The following COPS8 variants were observed in gnomAD, a reference collection of about 807,000 sequenced individuals.
COPS8 encodes the protein COP9 signalosome subunit 8.
Under a neutral mutation model 31.5 loss-of-function variants are expected in COPS8, and 11 were observed. The observed-to-expected ratio is 0.35, with a 90% confidence interval of 0.22 to 0.58. The LOEUF is 0.58. COPS8 is among the 20% of genes least tolerant of loss of function. COPS8 has a pLI of 0.83. For synonymous variants in COPS8, 81 were observed against 89.3 expected, an observed-to-expected ratio of 0.91 and a Z score of 0.52; for missense variants, 215 against 255.1, an observed-to-expected ratio of 0.84 and a Z score of 1.07.
intron 2 of COPS8, chr2:237,087,463 G>T: frequency 2.1e-6 from 1 of 469,224 alleles, no homozygotes; most frequent in Non-Finnish European, 4.0e-6. Flanking sequence ...GTCTTTTTAA[G>T]AAACTTTTAT....
intron 2 of COPS8, chr2:237,087,643 C>T (rs1419982045): frequency 4.5e-6 from 1 of 221,568 alleles, no homozygotes; most frequent in African/African-American, 2.4e-5. Flanking sequence ...AGCATAACTA[C>T]TCTAGGCCGG....
At chr2:237,091,146 C>T (rs1449248418) in intron 4 of COPS8, among the ~76,000 whole-genome samples, 2 of 152,110 alleles carry the variant, frequency 1.3e-5, no homozygotes, top group Non-Finnish European at 1.5e-5. Flanking sequence ...TGTGCACCGT[C>T]GGGTCCGTAG....
intron 4 of COPS8, 35 bp from the exon 5 acceptor site, chr2:237,094,055 G>C (rs1404439175): frequency 6.2e-7 from 1 of 1,605,078 alleles, no homozygotes; most frequent in Non-Finnish European, 8.5e-7. Flanking sequence ...CTGCTCCCTG[G>C]TTCACTCTCT....
chr2:237,090,415 A>G (rs1251957206), intron 4 of COPS8, among the ~76,000 whole-genome samples: 1 of 152,218 alleles, frequency 6.6e-6, no homozygotes, highest in African/African-American at 2.4e-5. Context: ...ATAGATGCTC[A>G]AATGTGTTTT....
intron 4 of COPS8, among the ~76,000 whole-genome samples, chr2:237,091,597 A>G (rs907556116): frequency 1.3e-5 from 2 of 152,262 alleles, no homozygotes; most frequent in African/African-American, 4.8e-5. Flanking sequence ...CTTATTTTCT[A>G]GTTGAGAACA....
chr2:237,096,730 A>T, intron 6 of COPS8, 92 bp from the exon 7 acceptor site: 1 of 954,720 alleles, frequency 1.0e-6, no homozygotes, highest in Non-Finnish European at 1.7e-6. Context: ...AATGGCCGTT[A>T]AATGCATGTT....
At position 237,095,033 on chromosome 2, in the gene COPS8, C is replaced by T. The variant is rs555776693; in HGVS notation, c.440-789C>T. 5.3e-5 allele frequency among the ~76,000 whole-genome samples: 8 copies of T among 152,224 alleles called. No individual in the cohort carries two copies. The South Asian group carries it at 1.2e-3, about 24-fold the overall frequency. On this transcript the variant is annotated intron_variant, in intron 5 of 7. Coordinates refer to ENST00000354371, the MANE Select transcript of COPS8 (RefSeq NM_006710.5). ...TGCCATGATTGACATTTTTGATTCT[C>T]CAGCTAAAATATGAGCACCATCACG...
chr2:237,093,474 A>G (rs892785949), intron 4 of COPS8, among the ~76,000 whole-genome samples: 12 of 152,310 alleles, frequency 7.9e-5, no homozygotes, highest in African/African-American at 2.4e-4. Context: ...TTAATTGGGT[A>G]TGGAAGCCTG....
At chr2:237,086,085 T>A in intron 1 of COPS8, 43 bp downstream of exon 1, 2 of 1,560,140 alleles carry the variant, frequency 1.3e-6, no homozygotes, top group Non-Finnish European at 1.8e-6. Flanking sequence ...GGAGTAGTCT[T>A]AGGCCCTGGG....
intron 5 of COPS8, 74 bp from the exon 6 acceptor site, chr2:237,095,748 T>G (rs1197983089): frequency 1.0e-6 from 1 of 963,096 alleles, no homozygotes; most frequent in Non-Finnish European, 1.7e-6. Context: ...GTACAACTAA[T>G]GTCATGGACA....
Position 237,097,691 on chromosome 2 carries a change from T to A in COPS8, c.579T>A (p.Asn193Lys). 1 of 1,613,342 alleles carries A rather than the reference T, an allele frequency of 6.2e-7. No individual in the cohort carries two copies. The change falls in exon 8 of 8, where the codon AAT (asparagine) becomes AAA (lysine). Residue 193 changes from asparagine (N) to lysine (K), a missense_variant. By Grantham distance (94) the Asn-to-Lys change is moderately conservative. Coordinates refer to ENST00000354371, the MANE Select transcript of COPS8 (RefSeq NM_006710.5). ...CTGCTCCAGTTCCCCCAATACCCAATGAACAGCAGTTAGCCAGACTGACGG... is the reference window on the plus strand; with the variant it reads ...CTGCTCCAGTTCCCCCAATACCCAAAGAACAGCAGTTAGCCAGACTGACGG... ...SEPAPVPPIPNEQQLARLTDY... is the reference protein window; with the variant it reads ...SEPAPVPPIPKEQQLARLTDY...
At chr2:237,097,629 T>C in intron 7 of COPS8, 34 bp from the exon 8 acceptor site, 3 of 1,519,398 alleles carry the variant, frequency 2.0e-6, no homozygotes, top group Non-Finnish European at 2.7e-6. Flanking sequence ...CTGTGGTATG[T>C]AACATGAAGT....
intron 5 of COPS8, among the ~76,000 whole-genome samples, chr2:237,095,573 CA>C (rs1349357839): frequency 6.6e-6 from 1 of 152,126 alleles, no homozygotes; most frequent in African/African-American, 2.4e-5. Flanking sequence ...ATATTCTTGA[CA>C]GAAAACTAAC....
At chr2:237,094,771 C>T (rs1193446636) in intron 5 of COPS8, among the ~76,000 whole-genome samples, 4 of 151,994 alleles carry the variant, frequency 2.6e-5, no homozygotes, top group African/African-American at 7.3e-5. Flanking sequence ...TCGAGACCAG[C>T]CTGGCCAACA....
intron 2 of COPS8, 21 bp from the exon 3 acceptor site, chr2:237,088,584 C>T (rs771801300): frequency 3.2e-6 from 5 of 1,564,522 alleles, no homozygotes; most frequent in Non-Finnish European, 4.4e-6. Flanking sequence ...GATTATTCTT[C>T]TTTGTGGTGG....
chr2:237,093,325 A>G (rs943275984), intron 4 of COPS8, among the ~76,000 whole-genome samples: 1 of 152,244 alleles, frequency 6.6e-6, no homozygotes, highest in Non-Finnish European at 1.5e-5. Flanking sequence ...CCTATTAAAT[A>G]TGGAAAGTAA....
intron 3 of COPS8, 75 bp downstream of exon 3, chr2:237,088,728 A>G (rs1696659949): frequency 3.2e-6 from 3 of 925,134 alleles, no homozygotes; most frequent in Non-Finnish European, 5.0e-6. Context: ...TTATAAGCTT[A>G]TGTTTTCTAT....
Position 237,093,838 on chromosome 2 carries a change from C to T in COPS8, c.332-252C>T, listed in dbSNP as rs530363304. The T allele has an allele frequency of 5.5e-5, 62 of 1,130,712 alleles. No individual in the cohort carries two copies. In the South Asian group the frequency reaches 2.0e-3, roughly 37 times the overall value. 70.0% of individuals were successfully genotyped at this position (1,130,712 alleles called of 1,614,324 possible). A position where few individuals can be genotyped will look rare whatever the true frequency, so the allele number is the denominator to read the frequency against. On this transcript the variant is annotated intron_variant, in intron 4 of 7. Transcript: ENST00000354371. The stretch of plus-strand genomic sequence containing the variant: ...GAGCCTTGTGTTTAGTAACCTTTTT[C>T]CATCTTTGTAATTTTCATTATCTGA...
Position 237,098,889 on chromosome 2 carries a change from A to T in COPS8, c.*1147A>T, listed in dbSNP as rs1295271532. The T allele has an allele frequency of 6.6e-6, 1 of 152,152 alleles. No homozygotes were observed. The highest frequency in any genetic ancestry group is 1.5e-5 in the Non-Finnish European group (1 of 68,022). The allele number at this position is 152,152 out of a possible 1,614,324, so 9.4% of individuals were successfully genotyped here. ...TTCAGTTTTTCTTAACATATATGGG[A>T]ATACTTTTTGAATTGCAATTTTATT... On this transcript the variant is annotated 3_prime_UTR_variant, in exon 8 of 8. Transcript: ENST00000354371.
Sources: allele counts gnomAD v4.1 joint callset (sites outside exome capture counted in the v4.1 genomes callset), GRCh38; gene constraint gnomAD v4.1.1; transcripts MANE v1.5; gene names NCBI Gene and HGNC (gene_info 2026-07-23, HGNC 2026-07-21).